DAB1: variants seen among roughly 807,000 people sequenced by gnomAD.
The protein encoded by DAB1 is disabled homolog 1.
In DAB1, 15 loss-of-function variants were observed where a neutral mutation model predicts 64.6. The ratio of observed to expected loss-of-function variants is 0.23; its 90% CI spans 0.16 to 0.36. The LOEUF is 0.36. DAB1 is among the 10% of genes least tolerant of loss of function. The pLI, the probability that DAB1 is intolerant of heterozygous loss-of-function variation, is 1.00. For missense variants in DAB1, 596 were observed against 706.7 expected (o/e 0.84, Z 1.78); for synonymous variants, 235 against 251.9 (o/e 0.93, Z 0.64).
chr1:58,400,754 TATTATA>T (rs999592160), intron 3 of DAB1, among the ~76,000 whole-genome samples: 9 of 152,252 alleles, frequency 5.9e-5, no homozygotes, highest in African/African-American at 1.4e-4. Flanking sequence ...AAGCAAATTT[TATTATA>T]ATTATAACTG....
chr1:57,332,843 C>T (rs980126074), intron 1 of DAB1, among the ~76,000 whole-genome samples: 6 of 152,318 alleles, frequency 3.9e-5, no homozygotes, highest in Middle Eastern at 6.8e-3. Context: ...CCCTGTTCTG[C>T]AATGCTCTGT....
At chr1:57,301,191 C>T (rs1300807025) in intron 1 of DAB1, among the ~76,000 whole-genome samples, 2 of 152,152 alleles carry the variant, frequency 1.3e-5, no homozygotes, top group Non-Finnish European at 2.9e-5. Flanking sequence ...GCACACATTT[C>T]CTAAACACTG....
At chr1:57,271,689 G>T (rs913897521) in intron 2 of DAB1, among the ~76,000 whole-genome samples, 2 of 152,288 alleles carry the variant, frequency 1.3e-5, no homozygotes, top group African/African-American at 4.8e-5. Flanking sequence ...CCCCGCGGAG[G>T]GCCTGATTAT....
At chr1:58,086,741 C>T (rs531748330) in intron 5 of DAB1, among the ~76,000 whole-genome samples, 74 of 151,984 alleles carry the variant, frequency 4.9e-4, no homozygotes, top group African/African-American at 1.7e-3. Context: ...TCTCATGCCT[C>T]TGTACTTCTG....
intron 5 of DAB1, among the ~76,000 whole-genome samples, chr1:58,081,269 G>A (rs1649977666): frequency 6.6e-6 from 1 of 152,230 alleles, no homozygotes; most frequent in Non-Finnish European, 1.5e-5. Flanking sequence ...GCCCATGTCA[G>A]TCAAGGTAGG....
At chr1:58,112,792 A>G (rs563367932) in intron 5 of DAB1, among the ~76,000 whole-genome samples, 1 of 152,264 alleles carries the variant, frequency 6.6e-6, no homozygotes, top group African/African-American at 2.4e-5. Flanking sequence ...CACCACATAC[A>G]TGCTCCTAAA....
At chr1:57,585,996 AT>A (rs1484551910) in intron 7 of DAB1, among the ~76,000 whole-genome samples, 1 of 152,128 alleles carries the variant, frequency 6.6e-6, no homozygotes, top group Non-Finnish European at 1.5e-5. Context: ...GGTACAACTA[AT>A]TCCAGGGCTC....
chr1:57,514,217 G>A (rs1011983232), intron 7 of DAB1, among the ~76,000 whole-genome samples: 1 of 152,138 alleles, frequency 6.6e-6, no homozygotes, highest in Non-Finnish European at 1.5e-5. Context: ...CAGGATTGCT[G>A]GGTCATATGG....
At chr1:58,318,139 AGAG>A (rs1484272353) in intron 4 of DAB1, among the ~76,000 whole-genome samples, 2 of 152,254 alleles carry the variant, frequency 1.3e-5, no homozygotes, top group Non-Finnish European at 1.5e-5. Flanking sequence ...CATAACTGCC[AGAG>A]GAGATTTAAG....
At chr1:58,510,352 C>A (rs1557446807) in intron 2 of DAB1, among the ~76,000 whole-genome samples, 1 of 151,976 alleles carries the variant, frequency 6.6e-6, no homozygotes, top group Non-Finnish European at 1.5e-5. Flanking sequence ...ATGTGATATA[C>A]CACATTAACA....
chr1:57,219,841 A>G (rs1371084593), intron 2 of DAB1, among the ~76,000 whole-genome samples: 3 of 152,194 alleles, frequency 2.0e-5, no homozygotes, highest in African/African-American at 7.2e-5. Context: ...AACACAGCCC[A>G]GAATCCGGAA....
At chr1:58,347,999 C>G (rs1470263380) in intron 3 of DAB1, among the ~76,000 whole-genome samples, 2 of 152,258 alleles carry the variant, frequency 1.3e-5, no homozygotes, top group Admixed American at 6.5e-5. Context: ...GGCCCTGATG[C>G]CAGGGCTCTT....
chr1:58,074,523 C>CATATATATAT (rs1233352276), intron 5 of DAB1: 24 of 84,152 alleles, frequency 2.9e-4, no homozygotes, highest in African/African-American at 9.5e-4. Context: ...AATATATATA[C>CATATATATAT]ATATATATAT....
At chr1:57,390,638 C>T (rs552803040) in intron 1 of DAB1, among the ~76,000 whole-genome samples, 3 of 152,272 alleles carry the variant, frequency 2.0e-5, no homozygotes, top group African/African-American at 7.2e-5. Flanking sequence ...CAAAGCTTCC[C>T]TTCAAAGGGG....
chr1:58,008,418 A>G (rs1257154639), intron 5 of DAB1, among the ~76,000 whole-genome samples: 2 of 152,154 alleles, frequency 1.3e-5, no homozygotes, highest in African/African-American at 2.4e-5. Context: ...GGGAAGAGTT[A>G]AGTAAGGATC....
chr1:58,248,813 C>T lies in DAB1; in HGVS notation n.309+94539G>A, dbSNP rs573210084. On this transcript the variant is annotated intron_variant and non_coding_transcript_variant, in intron 4 of 20. Transcript: ENST00000485760. ...ATTCCAAAAGCAAAAGGAAACCCCA[C>T]TCTGCAGCAGAACTTCCCAGCCCTG... Among the ~76,000 whole-genome samples, 11 of 152,240 alleles carry T rather than the reference C, an allele frequency of 7.2e-5. No individual in the cohort carries two copies. The East Asian group carries it at 2.1e-3, about 29-fold the overall frequency.
chr1:57,090,475 C>T (rs1333351055), intron 4 of DAB1, among the ~76,000 whole-genome samples: 3 of 152,154 alleles, frequency 2.0e-5, no homozygotes, highest in Non-Finnish European at 2.9e-5. Context: ...AGGGAGCCAG[C>T]GTTTCTAAAG....
At chr1:57,247,386 C>G (rs1668966578) in intron 2 of DAB1, among the ~76,000 whole-genome samples, 1 of 152,162 alleles carries the variant, frequency 6.6e-6, no homozygotes, top group African/African-American at 2.4e-5. Flanking sequence ...GTGCTTGTTT[C>G]CCTTCTCCTT....
intron 3 of DAB1, among the ~76,000 whole-genome samples, chr1:58,357,312 T>C (rs1376217776): frequency 1.3e-5 from 2 of 151,940 alleles, no homozygotes; most frequent in Admixed American, 6.6e-5. Flanking sequence ...GGCTGATAAA[T>C]TGAGTGCTGG....
Sources: gnomAD v4.1 joint callset for allele counts (sites outside exome capture counted in the v4.1 genomes callset) on GRCh38, gnomAD v4.1.1 for gene constraint, MANE v1.5 for transcripts, NCBI Gene and HGNC (gene_info 2026-07-23, HGNC 2026-07-21) for gene names.